The following C7orf78 variants were observed in gnomAD, a reference collection of about 807,000 sequenced individuals.
C7orf78 encodes the protein putative uncharacterized protein C7orf78.
At chr7:12,507,402 TG>T in the C7orf78 span, 1 of 178,768 alleles carries the variant, frequency 5.6e-6, no homozygotes, top group African/African-American at 2.4e-5. Context: ...CAGACAGCCA[TG>T]AGGCCAGCAC....
the C7orf78 span, among the ~76,000 whole-genome samples, chr7:12,486,001 C>T: frequency 3.9e-4 from 59 of 152,200 alleles, 1 homozygote; most frequent in South Asian, 0.012. Flanking sequence ...GAAAAGGTAT[C>T]TCCACTGATT....
the C7orf78 span, chr7:12,506,822 A>G: frequency 2.4e-6 from 1 of 417,594 alleles, no homozygotes; most frequent in Non-Finnish European, 4.7e-6. Context: ...TACTGCACTG[A>G]AAAAATACAG....
chr7:12,540,679 A>G, the C7orf78 span, among the ~76,000 whole-genome samples: 3 of 152,210 alleles, frequency 2.0e-5, no homozygotes, highest in African/African-American at 7.2e-5. Context: ...CGTTTGGCCA[A>G]CAGAGTATAG....
At chr7:12,495,414 C>T in the C7orf78 span, among the ~76,000 whole-genome samples, 4 of 152,146 alleles carry the variant, frequency 2.6e-5, no homozygotes, top group South Asian at 4.1e-4. Flanking sequence ...CACTGCCAGT[C>T]GTCTTATTGT....
At chr7:12,523,466 T>C in the C7orf78 span, 1 of 397,496 alleles carries the variant, frequency 2.5e-6, no homozygotes, top group Non-Finnish European at 4.4e-6. Flanking sequence ...TTAAGATAGA[T>C]AAGGGGAACT....
the C7orf78 span, among the ~76,000 whole-genome samples, chr7:12,495,208 T>A: frequency 6.6e-6 from 1 of 152,196 alleles, no homozygotes; most frequent in African/African-American, 2.4e-5. Flanking sequence ...TTTTTCCTCA[T>A]CTTACGCTGT....
the C7orf78 span, chr7:12,541,327 ATC>A: frequency 2.0e-5 from 3 of 152,230 alleles, no homozygotes; most frequent in African/African-American, 7.2e-5. Context: ...TGCAAATTTT[ATC>A]TGTTTGCCTC....
the C7orf78 span, among the ~76,000 whole-genome samples, chr7:12,524,821 A>ACAT: frequency 6.6e-6 from 1 of 150,872 alleles, no homozygotes; most frequent in Non-Finnish European, 1.5e-5. Flanking sequence ...CCATCTCAAA[A>ACAT]AATAATAATA....
At chr7:12,523,186 G>A in the C7orf78 span, 2 of 398,186 alleles carry the variant, frequency 5.0e-6, no homozygotes, top group Non-Finnish European at 8.9e-6. Flanking sequence ...ATACATCTTT[G>A]AGAATTCCAG....
the C7orf78 span, among the ~76,000 whole-genome samples, chr7:12,494,814 C>G: frequency 2.6e-5 from 4 of 152,178 alleles, no homozygotes; most frequent in Non-Finnish European, 5.9e-5. Context: ...GCTACCTCCT[C>G]CTAGTGGTAA....
the C7orf78 span, among the ~76,000 whole-genome samples, chr7:12,522,362 G>A: frequency 6.6e-6 from 1 of 152,040 alleles, no homozygotes; most frequent in African/African-American, 2.4e-5. Flanking sequence ...TGATTTCCAT[G>A]TCACTGGTTA....
chr7:12,531,882 A>G, the C7orf78 span, among the ~76,000 whole-genome samples: 1 of 152,142 alleles, frequency 6.6e-6, no homozygotes, highest in African/African-American at 2.4e-5. Context: ...CATCGGAAAA[A>G]GGGGAAAGTA....
At chr7:12,487,598 A>G in the C7orf78 span, among the ~76,000 whole-genome samples, 30,416 of 151,956 alleles carry the variant, frequency 0.2, 4,232 homozygotes, top group African/African-American at 0.4. Flanking sequence ...AGGCTAAAAA[A>G]TATTTTGAGT....
At chr7:12,513,796 T>G in the C7orf78 span, among the ~76,000 whole-genome samples, 1 of 151,468 alleles carries the variant, frequency 6.6e-6, no homozygotes, top group African/African-American at 2.4e-5. Flanking sequence ...GTCAGGAGAT[T>G]GAGACCATCC....
chr7:12,516,444 G>A, the C7orf78 span, among the ~76,000 whole-genome samples: 5 of 152,258 alleles, frequency 3.3e-5, no homozygotes, highest in Non-Finnish European at 7.3e-5. Flanking sequence ...TGCTAGGACA[G>A]TGCAGAAGGG....
At chr7:12,533,047 TC>T in the C7orf78 span, among the ~76,000 whole-genome samples, 1 of 152,148 alleles carries the variant, frequency 6.6e-6, no homozygotes, top group South Asian at 2.1e-4. Flanking sequence ...ATTGCAAACA[TC>T]CCGCTGTACA....
At chr7:12,507,304 C>CAAAAAAAAAAAAAAAAAAAAAAAA in the C7orf78 span, 1 of 75,088 alleles carries the variant, frequency 1.3e-5, no homozygotes, top group Non-Finnish European at 2.5e-5. Flanking sequence ...GAGACTCCAC[C>CAAAAAAAAAAAAAAAAAAAAAAAA]AAAAAAAAAA....
At chr7:12,508,792 A>G in the C7orf78 span, among the ~76,000 whole-genome samples, 7 of 152,182 alleles carry the variant, frequency 4.6e-5, no homozygotes, top group Admixed American at 6.5e-5. Flanking sequence ...CAGTGGTGGC[A>G]TTAGAGTCTT....
chr7:12,523,465 A>T, the C7orf78 span: 6 of 397,650 alleles, frequency 1.5e-5, no homozygotes, highest in Non-Finnish European at 2.7e-5. Context: ...TTTAAGATAG[A>T]TAAGGGGAAC....
Sources: allele counts gnomAD v4.1 joint callset (sites outside exome capture counted in the v4.1 genomes callset), GRCh38; gene constraint gnomAD v4.1.1; transcripts MANE v1.5; gene names NCBI Gene and HGNC (gene_info 2026-07-23, HGNC 2026-07-21).